Variants in MAD1L1 observed in about 807,000 individuals in gnomAD.
MAD1L1 encodes the protein mitotic arrest deficient 1 like 1.
A neutral mutation model predicts 96.9 loss-of-function variants in MAD1L1; 95 were observed. That is an observed-to-expected ratio of 0.98 (90% CI 0.83 to 1.16). The LOEUF is 1.16. Among genes scored for constraint, MAD1L1 ranks in the 50% most tolerant of loss-of-function variants. MAD1L1 has a pLI of 0.00. For missense variants in MAD1L1, 1,007 were observed against 954.4 expected (o/e 1.06, Z -0.73); for synonymous variants, 473 against 396.6 (o/e 1.19, Z -2.29).
At chr7:1,965,436 AG>A (rs1415560548) in intron 15 of MAD1L1, among the ~76,000 whole-genome samples, 7 of 152,214 alleles carry the variant, frequency 4.6e-5, no homozygotes, top group Non-Finnish European at 1.0e-4. Flanking sequence ...ACTGGTGGGT[AG>A]GGAACATCGT....
intron 10 of MAD1L1, among the ~76,000 whole-genome samples, chr7:2,173,574 C>G (rs181572774): frequency 6.6e-6 from 1 of 152,350 alleles, no homozygotes; most frequent in African/African-American, 2.4e-5. Context: ...CCATGCTCAC[C>G]CGGCATCGGG....
chr7:1,841,162 A>T (rs1411344022), intron 18 of MAD1L1, among the ~76,000 whole-genome samples: 3 of 152,206 alleles, frequency 2.0e-5, no homozygotes, highest in Admixed American at 6.5e-5. Context: ...CCCACTGCCC[A>T]AGCGCCAGAG....
intron 9 of MAD1L1, 30 bp from the exon 10 acceptor site, chr7:2,213,303 TC>T (rs1385878028): frequency 3.1e-6 from 5 of 1,601,738 alleles, no homozygotes; most frequent in Non-Finnish European, 4.3e-6. Flanking sequence ...ACAGACCCTG[TC>T]ATCACCTGCC....
chr7:2,203,140 G>A (rs1019706387), intron 10 of MAD1L1, among the ~76,000 whole-genome samples: 3 of 152,230 alleles, frequency 2.0e-5, no homozygotes, highest in African/African-American at 7.2e-5. Flanking sequence ...GCCAGATTCA[G>A]GCACAACGGG....
rs529109885 is a variant in MAD1L1 at position 1,968,216 on chromosome 7, C to T, written c.1506-10497G>A. Among the ~76,000 whole-genome samples the T allele has an allele frequency of 2.6e-5, 4 of 152,226 alleles. No homozygotes were observed. The highest frequency in any genetic ancestry group is 1.9e-4 in the East Asian group (1 of 5,170). On this transcript the variant is annotated intron_variant, in intron 15 of 18. Coordinates refer to ENST00000265854, the MANE Select transcript of MAD1L1 (RefSeq NM_001013836.2). This position sits in a 1 kb window ranked among gnomAD's most constrained non-coding sequence, Gnocchi z 5.6. The stretch of plus-strand genomic sequence containing the variant: ...CACGCCTCAATCCGGCGGTCAGGTC[C>T]ACCGTCGACGCCTCAGTCCGGCGGT...
chr7:1,922,137 G>A (rs1193648724), intron 17 of MAD1L1, among the ~76,000 whole-genome samples: 2 of 152,238 alleles, frequency 1.3e-5, no homozygotes, highest in Non-Finnish European at 2.9e-5. Flanking sequence ...CAGGCTGCAG[G>A]CGGGCTGAGG....
At chr7:2,128,872 T>C (rs1562713574) in intron 11 of MAD1L1, among the ~76,000 whole-genome samples, 4 of 152,204 alleles carry the variant, frequency 2.6e-5, no homozygotes, top group Admixed American at 1.3e-4. Flanking sequence ...GCAGTCTCTC[T>C]GCTCCCACAC....
chr7:2,225,667 A>G, intron 3 of MAD1L1, 117 bp from the exon 4 acceptor site: 1 of 1,157,202 alleles, frequency 8.6e-7, no homozygotes, highest in South Asian at 1.5e-5. Context: ...TCCCGTGCTA[A>G]GTCTTGATGT....
At chr7:2,189,554 A>G (rs974287718) in intron 10 of MAD1L1, among the ~76,000 whole-genome samples, 1 of 151,602 alleles carries the variant, frequency 6.6e-6, no homozygotes, top group East Asian at 1.9e-4. Context: ...ATAAGGACAA[A>G]TATTTCATGA....
chr7:1,999,472 C>G (rs913133697), intron 14 of MAD1L1, among the ~76,000 whole-genome samples: 1 of 152,200 alleles, frequency 6.6e-6, no homozygotes, highest in Non-Finnish European at 1.5e-5. Context: ...ACTGTGTCTG[C>G]TGGGAAGCAC....
At chr7:1,928,514 T>TAGATGGCAGGACCCAGGC (rs1379402703) in intron 17 of MAD1L1, among the ~76,000 whole-genome samples, 2 of 152,222 alleles carry the variant, frequency 1.3e-5, no homozygotes, top group Non-Finnish European at 2.9e-5. Flanking sequence ...TGCAGGTCCC[T>TAGATGGCAGGACCCAGGC]AGATGGCAGG....
chr7:2,191,852 GAAACTTCGTCTCTACTAAAAATACAAA>G (rs1283212893), intron 10 of MAD1L1, among the ~76,000 whole-genome samples: 3 of 152,114 alleles, frequency 2.0e-5, no homozygotes, highest in African/African-American at 7.2e-5. Flanking sequence ...CCAACATGGT[GAAACTTCGTCTCTACTAAAAATACAAA>G]AACTAGCCGG....
chr7:2,060,388 A>AAGATACGCTGATGCTG (rs1784602413), intron 12 of MAD1L1, among the ~76,000 whole-genome samples: 2 of 151,446 alleles, frequency 1.3e-5, no homozygotes, highest in Non-Finnish European at 2.9e-5. Flanking sequence ...CCGAGATGTC[A>AAGATACGCTGATGCTG]AGATACGCTG....
At chr7:2,072,929 T>A (rs1785205410) in intron 11 of MAD1L1, among the ~76,000 whole-genome samples, 1 of 152,206 alleles carries the variant, frequency 6.6e-6, no homozygotes, top group Non-Finnish European at 1.5e-5. Flanking sequence ...GCAGAGCAGA[T>A]GTGAGTAACG....
intron 12 of MAD1L1, among the ~76,000 whole-genome samples, chr7:2,053,780 C>T (rs1448850511): frequency 6.6e-6 from 1 of 152,122 alleles, no homozygotes; most frequent in Non-Finnish European, 1.5e-5. Context: ...TGTGACCGAG[C>T]TCTCCAAGTG....
chr7:1,836,045 G>A (rs1291531371), intron 18 of MAD1L1, among the ~76,000 whole-genome samples: 3 of 151,912 alleles, frequency 2.0e-5, no homozygotes, highest in South Asian at 2.1e-4. Context: ...TTTTTAAGAC[G>A]GAGTCTCACT....
intron 14 of MAD1L1, among the ~76,000 whole-genome samples, chr7:1,996,954 T>C (rs1257051096): frequency 1.3e-5 from 2 of 152,078 alleles, no homozygotes; most frequent in Admixed American, 6.6e-5. Context: ...AGAGGATATT[T>C]TAGAGCTGTA....
At chr7:2,064,176 G>A (rs1228501323) in intron 12 of MAD1L1, among the ~76,000 whole-genome samples, 1 of 152,194 alleles carries the variant, frequency 6.6e-6, no homozygotes, top group African/African-American at 2.4e-5. Flanking sequence ...CAGGAGCCCA[G>A]CCTCAGGCAG....
At chr7:2,092,942 T>A (rs1371282320) in intron 11 of MAD1L1, among the ~76,000 whole-genome samples, 2 of 151,972 alleles carry the variant, frequency 1.3e-5, no homozygotes, top group African/African-American at 4.8e-5. Flanking sequence ...AGGTAATGCA[T>A]ATAAAAGCAT....
Sources: allele counts gnomAD v4.1 joint callset (sites outside exome capture counted in the v4.1 genomes callset), GRCh38; gene constraint gnomAD v4.1.1; non-coding constraint Gnocchi (gnomAD v3.1); transcripts MANE v1.5; gene names NCBI Gene and HGNC (gene_info 2026-07-23, HGNC 2026-07-21).